PCGF5: variants seen among roughly 807,000 people sequenced by gnomAD.
PCGF5 encodes polycomb group RING finger protein 5.
PCGF5 carries 9 observed loss-of-function variants against 44.3 expected under a neutral mutation model. The ratio of observed to expected loss-of-function variants is 0.20; its 90% CI spans 0.12 to 0.35. The LOEUF (loss-of-function observed/expected upper bound fraction) is 0.35. Among genes scored for constraint, PCGF5 ranks in the 10% least tolerant of loss-of-function variants. PCGF5 has a pLI of 1.00. For missense variants in PCGF5, 146 were observed against 305.3 expected (o/e 0.48, Z 3.89); for synonymous variants, 95 against 102.5 (o/e 0.93, Z 0.44).
intron 3 of PCGF5, among the ~76,000 whole-genome samples, chr10:91,243,160 C>T (rs888643157): frequency 5.3e-5 from 8 of 152,222 alleles, no homozygotes; most frequent in Admixed American, 3.9e-4. Flanking sequence ...GATAGTTGAG[C>T]GGACCTCAGA....
At chr10:91,275,111 T>G (rs758579972) in intron 9 of PCGF5, among the ~76,000 whole-genome samples, 9 of 152,094 alleles carry the variant, frequency 5.9e-5, no homozygotes, top group Non-Finnish European at 1.2e-4. Flanking sequence ...AAAAATATCA[T>G]AAAATATATT....
chr10:91,185,734 T>C (rs564392552), intron 1 of PCGF5, among the ~76,000 whole-genome samples: 5 of 152,314 alleles, frequency 3.3e-5, no homozygotes, highest in Non-Finnish European at 5.9e-5. Context: ...TGAAGGGTTC[T>C]CCTGACCCGG....
intron 3 of PCGF5, among the ~76,000 whole-genome samples, chr10:91,242,340 TA>T (rs1845349281): frequency 6.6e-6 from 1 of 151,830 alleles, no homozygotes; most frequent in Admixed American, 6.6e-5. Flanking sequence ...AATTTTAAAA[TA>T]AAAAACTGTT....
intron 1 of PCGF5, among the ~76,000 whole-genome samples, chr10:91,201,729 T>C (rs115167971): frequency 0.011 from 1,721 of 152,268 alleles, 30 homozygotes; most frequent in African/African-American, 0.04. Flanking sequence ...AAACCTTTTT[T>C]TTTTTTTTTT....
chr10:91,246,321 G>T (rs556479204), intron 3 of PCGF5, among the ~76,000 whole-genome samples: 8 of 152,118 alleles, frequency 5.3e-5, no homozygotes, highest in African/African-American at 9.7e-5. Flanking sequence ...TGGTTTGGTC[G>T]GAGAGTACAG....
chr10:91,280,382 T>C lies in PCGF5; in HGVS notation c.*2066T>C, dbSNP rs574370009. 1 of 152,440 alleles carries C rather than the reference T, an allele frequency of 6.6e-6. No homozygotes were observed. The highest frequency in any genetic ancestry group is 2.4e-5 in the African/African-American group (1 of 41,592). The allele number at this position is 152,440 out of a possible 1,614,324, so 9.4% of individuals were successfully genotyped here. On this transcript the variant is annotated 3_prime_UTR_variant, in exon 10 of 10. Transcript: ENST00000336126. Reference sequence around the variant, plus strand: ...TTAATGGTCATAAATGAATTTTATCTACAAAATCTCTTTAAATTTGGCTGG... The same window carrying C: ...TTAATGGTCATAAATGAATTTTATCCACAAAATCTCTTTAAATTTGGCTGG...
intron 1 of PCGF5, among the ~76,000 whole-genome samples, chr10:91,202,637 C>T (rs1482906221): frequency 1.3e-5 from 2 of 152,226 alleles, no homozygotes; most frequent in East Asian, 3.9e-4. Flanking sequence ...TATTTGACTC[C>T]TTAGAAGCCT....
At chr10:91,230,424 C>G (rs1844971476) in intron 2 of PCGF5, among the ~76,000 whole-genome samples, 1 of 152,012 alleles carries the variant, frequency 6.6e-6, no homozygotes, top group African/African-American at 2.4e-5. Flanking sequence ...CTGAAGACTT[C>G]TGGTGTTTTA....
chr10:91,270,129 A>G (rs1226461357), intron 8 of PCGF5, among the ~76,000 whole-genome samples: 1 of 152,222 alleles, frequency 6.6e-6, no homozygotes, highest in Non-Finnish European at 1.5e-5. Context: ...GCTTATTGTC[A>G]ATATCTCTAT....
chr10:91,177,414 C>A (rs1260905458), intron 1 of PCGF5, among the ~76,000 whole-genome samples: 3 of 152,202 alleles, frequency 2.0e-5, no homozygotes. Flanking sequence ...GCTGGGAGAA[C>A]CACTACTGTC....
upstream of PCGF5, among the ~76,000 whole-genome samples, chr10:91,161,497 GGAA>G (rs1843382156): frequency 6.6e-6 from 1 of 152,184 alleles, no homozygotes; most frequent in Non-Finnish European, 1.5e-5. Context: ...TCTTAGCCTA[GGAA>G]TTAGCTGTAA....
chr10:91,277,652 A>G (rs2631676), intron 9 of PCGF5, among the ~76,000 whole-genome samples: 19,580 of 152,316 alleles, frequency 0.13, 1,635 homozygotes, highest in Non-Finnish European at 0.19. Context: ...CCAAATGTTT[A>G]TTAGTATCAA....
In PCGF5 at chr10:91,281,321, G is replaced by C. The variant is rs372684384; in HGVS notation, c.*3005G>C. On this transcript the variant is annotated 3_prime_UTR_variant, in exon 10 of 10. Coordinates refer to ENST00000336126, the MANE Select transcript of PCGF5 (RefSeq NM_032373.5). Reference sequence around the variant, plus strand: ...TAGTAATGTGCCACATTTTATAAACGTAATGACTTTGCTCAACTACATTAC... The same window carrying C: ...TAGTAATGTGCCACATTTTATAAACCTAATGACTTTGCTCAACTACATTAC... 6.6e-6 allele frequency: 1 copy of C among 152,342 alleles called. No homozygotes were observed. Among genetic ancestry groups the C allele is most frequent in the Admixed American group, 6.6e-5 (1 of 15,256 alleles). The allele number at this position is 152,342 out of a possible 1,614,324, so 9.4% of individuals were successfully genotyped here. A position where few individuals can be genotyped will look rare whatever the true frequency, so the allele number is the denominator to read the frequency against.
intron 3 of PCGF5, among the ~76,000 whole-genome samples, 170 bp from the exon 4 acceptor site, chr10:91,248,335 G>A (rs769369944): frequency 1.2e-4 from 19 of 152,062 alleles, no homozygotes; most frequent in Non-Finnish European, 2.4e-4. Flanking sequence ...TCTACTACTG[G>A]GGAAGGCTGT....
rs142980825 is a variant in PCGF5 at position 91,282,476 on chromosome 10, T to A, written c.*4160T>A. 1 of 152,762 alleles carries A rather than the reference T, an allele frequency of 6.5e-6. No individual in the cohort carries two copies. Among genetic ancestry groups the A allele is most frequent in the African/African-American group, 2.4e-5 (1 of 41,566 alleles). 9.5% of individuals were successfully genotyped at this position (152,762 alleles called of 1,614,324 possible). On this transcript the variant is annotated 3_prime_UTR_variant, in exon 10 of 10. Coordinates refer to ENST00000336126, the MANE Select transcript of PCGF5 (RefSeq NM_032373.5). ...TCCAGCCTGGGTGACACAGCGAGTC[T>A]CCATCTCCAAAAAAAATTCAACTCT...
At chr10:91,193,118 G>A (rs574104104) in intron 1 of PCGF5, among the ~76,000 whole-genome samples, 1 of 152,194 alleles carries the variant, frequency 6.6e-6, no homozygotes, top group African/African-American at 2.4e-5. Context: ...CATGGCAAAC[G>A]CAAGAAGGAA....
intron 1 of PCGF5, among the ~76,000 whole-genome samples, chr10:91,198,545 A>T (rs540687899): frequency 1.3e-5 from 2 of 152,154 alleles, no homozygotes; most frequent in South Asian, 4.1e-4. Flanking sequence ...CAGCATGACC[A>T]TTGGCAAAGC....
At chr10:91,225,135 A>G (rs925023193) in intron 2 of PCGF5, among the ~76,000 whole-genome samples, 1 of 151,076 alleles carries the variant, frequency 6.6e-6, no homozygotes, top group Non-Finnish European at 1.5e-5. Context: ...TAACTTTTAA[A>G]AAAAGGAAAA....
chr10:91,276,219 T>G (rs964503992), intron 9 of PCGF5, among the ~76,000 whole-genome samples: 2 of 151,516 alleles, frequency 1.3e-5, no homozygotes, highest in Non-Finnish European at 2.9e-5. Context: ...CTTGATACCA[T>G]TCTGTATTTT....
Sources: allele counts gnomAD v4.1 joint callset (sites outside exome capture counted in the v4.1 genomes callset), GRCh38; gene constraint gnomAD v4.1.1; transcripts MANE v1.5; gene names NCBI Gene and HGNC (gene_info 2026-07-23, HGNC 2026-07-21).